GALNT2: variants seen among roughly 807,000 people sequenced by gnomAD.
The protein encoded by GALNT2 is UDP-GalNAc:polypeptide N-acetylgalactosaminyltransferase 2.
Under a neutral mutation model 81.4 loss-of-function variants are expected in GALNT2, and 31 were observed. The observed-to-expected ratio is 0.38, with a 90% CI of 0.29 to 0.51. The LOEUF (loss-of-function observed/expected upper bound fraction) is 0.51, where lower values mean the gene tolerates loss of function less well. GALNT2 is among the 20% of genes least tolerant of loss of function. The probability of loss-of-function intolerance (pLI) is 0.87; values close to 1 mark genes in which losing one functional copy is unlikely to be tolerated. For missense variants in GALNT2, 629 were observed against 765.7 expected (o/e 0.82, Z 2.11); for synonymous variants, 303 against 287.4 (o/e 1.05, Z -0.55).
chr1:230,242,846 C>G (rs1450954914), intron 6 of GALNT2, among the ~76,000 whole-genome samples: 1 of 152,150 alleles, frequency 6.6e-6, no homozygotes, highest in African/African-American at 2.4e-5. Flanking sequence ...TGTTATTTAG[C>G]TCCTGATAAG....
At chr1:230,109,981 G>A (rs768038259) in intron 1 of GALNT2, among the ~76,000 whole-genome samples, 9 of 152,302 alleles carry the variant, frequency 5.9e-5, no homozygotes, top group Non-Finnish European at 1.3e-4. Context: ...TTCCTGTCAC[G>A]CAGATCAGAG....
intron 3 of GALNT2, among the ~76,000 whole-genome samples, chr1:230,211,756 G>A (rs1664240566): frequency 6.6e-6 from 1 of 152,150 alleles, no homozygotes; most frequent in South Asian, 2.1e-4. Flanking sequence ...CTGGGCAACA[G>A]AGTGAGACTC....
rs1666273463 is a variant in GALNT2, at chr1:230,275,507, G to A, written c.1560+943G>A. Among the ~76,000 whole-genome samples the A allele has an allele frequency of 6.8e-6, 1 of 146,404 alleles. No homozygotes were observed. Among genetic ancestry groups the A allele is most frequent in the Non-Finnish European group, 1.5e-5 (1 of 66,474 alleles). ...TATACATATACACACACACACCACAGATACATACATATATATACATGCCAC... is the reference window on the plus strand; with the variant it reads ...TATACATATACACACACACACCACAAATACATACATATATATACATGCCAC... On this transcript the variant is annotated intron_variant, in intron 15 of 15. Transcript: ENST00000366672. This position sits in a 1 kb window ranked among gnomAD's most constrained non-coding sequence, Gnocchi z 5.5.
intron 1 of GALNT2, chr1:230,058,186 C>G: frequency 2.2e-6 from 1 of 447,908 alleles, no homozygotes. Flanking sequence ...CTGGCCTCCT[C>G]CTTCCTAGGC....
At chr1:230,262,024 A>G (rs549379123) in intron 11 of GALNT2, 1 of 151,814 alleles carries the variant, frequency 6.6e-6, no homozygotes, top group Admixed American at 6.6e-5. Flanking sequence ...AAAAAAAGCT[A>G]GTGCAAACAT....
At position 230,246,068 on chromosome 1, in the gene GALNT2, G is replaced by T. The variant is rs1269356896; in HGVS notation, c.735G>T (p.Arg245Ser). 1.2e-6 allele frequency: 2 copies of T among 1,613,386 alleles called. No individual in the cohort carries two copies. Among genetic ancestry groups the T allele is most frequent in the Non-Finnish European group, 1.7e-6 (2 of 1,179,360 alleles). ...CTCCTCTCTTTGTATTTTAGGACAG[G>T]ACTCGGGTTGTGTCACCCATCATCG... ...EPLLERVAED[R>S]TRVVSPIIDV... The change falls in exon 8 of 16, where the codon AGG (arginine) becomes AGT (serine). Residue 245 changes from arginine (R) to serine (S), a missense_variant. By Grantham distance (110) the Arg-to-Ser change is moderately radical. Transcript: ENST00000366672.
intron 1 of GALNT2, among the ~76,000 whole-genome samples, chr1:230,111,901 C>T (rs1038849039): frequency 2.2e-5 from 3 of 134,208 alleles, no homozygotes; most frequent in Admixed American, 1.6e-4. Flanking sequence ...TACCAGTAGC[C>T]TCTTTTTGTT....
At chr1:230,252,660 A>G (rs529508791) in intron 10 of GALNT2, among the ~76,000 whole-genome samples, 26 of 152,274 alleles carry the variant, frequency 1.7e-4, no homozygotes, top group Admixed American at 1.7e-3. Context: ...AATGAAATCA[A>G]CGCTGAAGAT....
At chr1:230,256,033 AG>A (rs1187128146) in intron 11 of GALNT2, among the ~76,000 whole-genome samples, 1 of 152,066 alleles carries the variant, frequency 6.6e-6, no homozygotes, top group African/African-American at 2.4e-5. Flanking sequence ...GGGCAAAGAG[AG>A]GGCAGGAAAG....
At chr1:230,085,998 T>G (rs1014200906) in intron 1 of GALNT2, among the ~76,000 whole-genome samples, 3 of 151,928 alleles carry the variant, frequency 2.0e-5, no homozygotes, top group Admixed American at 2.0e-4. Flanking sequence ...GCCCCTAAGG[T>G]GATTGGAAAC....
At chr1:230,202,330 C>T (rs554248232) in intron 2 of GALNT2, among the ~76,000 whole-genome samples, 1 of 152,314 alleles carries the variant, frequency 6.6e-6, no homozygotes, top group South Asian at 2.1e-4. Flanking sequence ...CTTCACTCGC[C>T]TAGCAGTGCT....
intron 2 of GALNT2, among the ~76,000 whole-genome samples, chr1:230,192,159 C>T (rs894348330): frequency 6.6e-6 from 1 of 152,204 alleles, no homozygotes; most frequent in African/African-American, 2.4e-5. Context: ...TTTGGTGTTT[C>T]GCTTCAATTT....
At position 230,070,741 on chromosome 1, in the gene GALNT2, G is replaced by T. The variant is rs184135052; in HGVS notation, c.126+3335G>T. The stretch of plus-strand genomic sequence containing the variant: ...ATTTCTTGGAACAGTGAAGGACCTT[G>T]CCGGGCTAGACCATGGTACACATGG... On this transcript the variant is annotated intron_variant, in intron 1 of 15. Coordinates refer to ENST00000366672, the MANE Select transcript of GALNT2 (RefSeq NM_004481.5). This position sits in a 1 kb window ranked among gnomAD's most constrained non-coding sequence, Gnocchi z 4.7. Among the ~76,000 whole-genome samples the T allele has an allele frequency of 8.7e-4, 133 of 152,340 alleles. No homozygotes were observed. The highest frequency in any genetic ancestry group is 3.1e-3 in the African/African-American group (129 of 41,570).
chr1:230,060,389 A>G (rs920642876), intron 1 of GALNT2, among the ~76,000 whole-genome samples: 1 of 152,178 alleles, frequency 6.6e-6, no homozygotes, highest in African/African-American at 2.4e-5. Context: ...TACAAAAACC[A>G]TGATGCTGTC....
intron 1 of GALNT2, among the ~76,000 whole-genome samples, chr1:230,139,041 G>T (rs1374185150): frequency 6.6e-6 from 1 of 152,098 alleles, no homozygotes; most frequent in Non-Finnish European, 1.5e-5. Context: ...GAGTCACTCT[G>T]GTTCAAACAC....
In GALNT2 at chr1:230,070,377, A is replaced by G. The variant is rs1342539664; in HGVS notation, c.126+2971A>G. Among the ~76,000 whole-genome samples the G allele has an allele frequency of 6.6e-6, 1 of 152,026 alleles. No individual in the cohort carries two copies. Among genetic ancestry groups the G allele is most frequent in the Non-Finnish European group, 1.5e-5 (1 of 68,014 alleles). ...CTCCCCTGGGCTTTGGTACGTTGGCAGTGGATGGAGCCGCAGAAGAGAGGA... is the reference window on the plus strand; with the variant it reads ...CTCCCCTGGGCTTTGGTACGTTGGCGGTGGATGGAGCCGCAGAAGAGAGGA... On this transcript the variant is annotated intron_variant, in intron 1 of 15. Coordinates refer to ENST00000366672, the MANE Select transcript of GALNT2 (RefSeq NM_004481.5). This position sits in a 1 kb window ranked among gnomAD's most constrained non-coding sequence, Gnocchi z 4.7.
At chr1:230,157,640 G>A (rs1443836797) in intron 1 of GALNT2, among the ~76,000 whole-genome samples, 2 of 152,170 alleles carry the variant, frequency 1.3e-5, no homozygotes, top group East Asian at 1.9e-4. Context: ...AGCATGTGGC[G>A]GGATACCTCC....
chr1:230,252,640 A>T lies in GALNT2; in HGVS notation c.1009+2080A>T, dbSNP rs1665584235. Among the ~76,000 whole-genome samples the T allele has an allele frequency of 2.6e-5, 4 of 152,266 alleles. No homozygotes were observed. In the South Asian group the frequency reaches 6.2e-4, roughly 24 times the overall value. On this transcript the variant is annotated intron_variant, in intron 10 of 15. Coordinates refer to ENST00000366672, the MANE Select transcript of GALNT2 (RefSeq NM_004481.5). ...TTACTGAGTAATTATCCTCAAAGTT[A>T]TAGGGTTCAAATGAAATCAACGCTG... is the stretch of plus-strand genomic sequence containing the variant.
intron 11 of GALNT2, among the ~76,000 whole-genome samples, chr1:230,261,082 T>G (rs1425029475): frequency 2.5e-5 from 1 of 39,980 alleles, no homozygotes; most frequent in African/African-American, 7.8e-5. Context: ...AAAGTTTCTC[T>G]TTTTTTTTTT....
Sources: allele counts gnomAD v4.1 joint callset (sites outside exome capture counted in the v4.1 genomes callset), GRCh38; gene constraint gnomAD v4.1.1; non-coding constraint Gnocchi (gnomAD v3.1); transcripts MANE v1.5; gene names NCBI Gene and HGNC (gene_info 2026-07-23, HGNC 2026-07-21).